The following ARMC9 variants were observed in gnomAD, a reference collection of about 807,000 sequenced individuals.
ARMC9 encodes lisH domain-containing protein ARMC9.
ARMC9 carries 94 observed loss-of-function variants against 107.0 expected under a neutral mutation model. That is an observed-to-expected ratio of 0.88 (90% CI 0.74 to 1.04). The LOEUF (loss-of-function observed/expected upper bound fraction) is 1.04. Among genes scored for constraint, ARMC9 ranks in the 50% least tolerant of loss-of-function variants. ARMC9 has a pLI of 0.00. For synonymous variants in ARMC9, 380 were observed against 396.9 expected (o/e 0.96, Z 0.51); for missense variants, 942 against 1,030.1 (o/e 0.91, Z 1.17).
chr2:231,311,984 T>C (rs990746607), intron 19 of ARMC9, among the ~76,000 whole-genome samples: 8 of 152,000 alleles, frequency 5.3e-5, no homozygotes, highest in Non-Finnish European at 1.0e-4. Flanking sequence ...ATAAATGGAG[T>C]TATTCAGTAT....
At chr2:231,256,459 C>CAA (rs202122259) in intron 9 of ARMC9, 127 bp from the exon 10 acceptor site, 287 of 947,324 alleles carry the variant, frequency 3.0e-4, no homozygotes, top group African/African-American at 4.5e-4. Flanking sequence ...AAAAAAAAAC[C>CAA]AAAAAAAAAA....
chr2:231,331,978 A>G, intron 20 of ARMC9, 81 bp downstream of exon 20: 3 of 1,195,736 alleles, frequency 2.5e-6, no homozygotes, highest in South Asian at 2.6e-5. Context: ...TCAGTGACAC[A>G]GAGGGTTTAG....
chr2:231,361,896 T>TAA (rs2045601348), intron 23 of ARMC9, among the ~76,000 whole-genome samples: 1 of 150,758 alleles, frequency 6.6e-6, no homozygotes, highest in African/African-American at 2.4e-5. Flanking sequence ...CAATGGGGAG[T>TAA]GGCAGACAGG....
intron 12 of ARMC9, among the ~76,000 whole-genome samples, chr2:231,268,751 C>T (rs2039061798): frequency 6.6e-6 from 1 of 152,108 alleles, no homozygotes. Flanking sequence ...CTTTTAGGTT[C>T]CAGTTTTGCT....
chr2:231,319,419 C>T (rs1408419150), intron 19 of ARMC9, among the ~76,000 whole-genome samples: 3 of 152,152 alleles, frequency 2.0e-5, no homozygotes, highest in East Asian at 1.9e-4. Flanking sequence ...CTAACTGCCA[C>T]GAACCTGAGC....
chr2:231,296,171 A>G, intron 18 of ARMC9, 27 bp from the exon 19 acceptor site: 2 of 1,580,490 alleles, frequency 1.3e-6, no homozygotes, highest in Non-Finnish European at 1.7e-6. Context: ...TTTATCCATT[A>G]TTCATTGATT....
chr2:231,274,804 G>A (rs913948776), intron 14 of ARMC9, among the ~76,000 whole-genome samples: 5 of 152,104 alleles, frequency 3.3e-5, no homozygotes. Flanking sequence ...GGAAGGGATA[G>A]GTATTTGTAT....
At chr2:231,320,799 G>A (rs146743889) in intron 19 of ARMC9, among the ~76,000 whole-genome samples, 6 of 152,284 alleles carry the variant, frequency 3.9e-5, no homozygotes, top group African/African-American at 1.4e-4. Flanking sequence ...TATCATGTGT[G>A]CATTTGATCA....
chr2:231,280,660 G>T (rs906269913), intron 16 of ARMC9, among the ~76,000 whole-genome samples: 1 of 152,086 alleles, frequency 6.6e-6, no homozygotes, highest in East Asian at 1.9e-4. Context: ...TACATTTTTT[G>T]ATTGGAAAAA....
intron 10 of ARMC9, among the ~76,000 whole-genome samples, chr2:231,258,501 A>C (rs962850413): frequency 3.9e-5 from 6 of 151,944 alleles, no homozygotes; most frequent in African/African-American, 1.5e-4. Flanking sequence ...TACTCTTCAC[A>C]CTTGTTTCCT....
chr2:231,259,838 CA>C (rs537150206), intron 11 of ARMC9, among the ~76,000 whole-genome samples: 1 of 151,670 alleles, frequency 6.6e-6, no homozygotes, highest in African/African-American at 2.4e-5. Context: ...ACTAAAAATA[CA>C]AAAAAAATTA....
rs2039948447 is a variant in ARMC9, at chr2:231,278,468, C to G, written c.1551+10C>G. The G allele has an allele frequency of 6.2e-7, 1 of 1,613,484 alleles. No homozygotes were observed. Among genetic ancestry groups the G allele is most frequent in the African/African-American group, 1.3e-5 (1 of 75,044 alleles). ...CCATGAAAACCATGAGGTACTCATT[C>G]AGCACTGCTGGCCCTGGGCTCGGGG... is the stretch of plus-strand genomic sequence containing the variant. On this transcript the variant is annotated intron_variant, in intron 16 of 24. Coordinates refer to ENST00000611582, the MANE Select transcript of ARMC9 (RefSeq NM_001352754.2).
intron 20 of ARMC9, among the ~76,000 whole-genome samples, chr2:231,334,109 CT>C (rs2043925128): frequency 6.6e-6 from 1 of 152,194 alleles, no homozygotes; most frequent in Non-Finnish European, 1.5e-5. Flanking sequence ...ATGGATGATC[CT>C]TTTACTAGAA....
At chr2:231,240,853 G>A (rs1014577472) in intron 9 of ARMC9, among the ~76,000 whole-genome samples, 2 of 152,036 alleles carry the variant, frequency 1.3e-5, no homozygotes, top group African/African-American at 4.8e-5. Flanking sequence ...CTTTCTTTGA[G>A]TTACATGACA....
intron 19 of ARMC9, among the ~76,000 whole-genome samples, chr2:231,322,164 C>T (rs1402050944): frequency 3.3e-5 from 5 of 152,234 alleles, no homozygotes; most frequent in East Asian, 1.9e-4. Context: ...TTCTCCGCGT[C>T]GCGGGGAGCC....
At chr2:231,215,123 C>T (rs2033355945) in intron 4 of ARMC9, 122 bp downstream of exon 4, 2 of 1,089,724 alleles carry the variant, frequency 1.8e-6, no homozygotes, top group Admixed American at 5.2e-5. Flanking sequence ...TTACGAGGTA[C>T]AGGCATCCTC....
intron 19 of ARMC9, among the ~76,000 whole-genome samples, chr2:231,328,157 G>T (rs945599881): frequency 1.3e-5 from 2 of 152,150 alleles, no homozygotes; most frequent in African/African-American, 4.8e-5. Flanking sequence ...AATGGCTAAT[G>T]ATATTGAACA....
intron 21 of ARMC9, among the ~76,000 whole-genome samples, chr2:231,349,673 C>T (rs771996909): frequency 3.3e-5 from 5 of 151,894 alleles, no homozygotes; most frequent in South Asian, 2.1e-4. Context: ...TCCAGCTCCT[C>T]GGGAGGCTGA....
At chr2:231,233,023 G>A (rs903005036) in intron 7 of ARMC9, among the ~76,000 whole-genome samples, 4 of 150,480 alleles carry the variant, frequency 2.7e-5, no homozygotes, top group Admixed American at 6.6e-5. Context: ...GCTAGTTTTT[G>A]TATTTTTAGT....
Sources: allele counts gnomAD v4.1 joint callset (sites outside exome capture counted in the v4.1 genomes callset), GRCh38; gene constraint gnomAD v4.1.1; transcripts MANE v1.5; gene names NCBI Gene and HGNC (gene_info 2026-07-23, HGNC 2026-07-21).